CYSTM1: variants seen among roughly 807,000 people sequenced by gnomAD.
CYSTM1 encodes the protein cysteine rich transmembrane module containing 1.
CYSTM1 carries 4 observed loss-of-function variants against 13.1 expected under a neutral mutation model. The observed-to-expected ratio is 0.31, with a 90% confidence interval of 0.15 to 0.70. The LOEUF is 0.70. Among genes scored for constraint, CYSTM1 ranks in the 30% least tolerant of loss-of-function variants. CYSTM1 has a pLI of 0.72. For missense variants in CYSTM1, 96 were observed against 121.6 expected (o/e 0.79, Z 0.99); for synonymous variants, 36 against 42.7 (o/e 0.84, Z 0.62).
At chr5:140,185,604 C>T (rs968758214) in intron 1 of CYSTM1, among the ~76,000 whole-genome samples, 2 of 152,196 alleles carry the variant, frequency 1.3e-5, no homozygotes, top group East Asian at 1.9e-4. Flanking sequence ...CTGAGCAAGT[C>T]GTAAAAAGAA....
chr5:140,234,958 C>A (rs1289175455), intron 2 of CYSTM1, among the ~76,000 whole-genome samples: 8 of 137,420 alleles, frequency 5.8e-5, no homozygotes, highest in Non-Finnish European at 9.2e-5. Context: ...GGTATATCAG[C>A]CTCATTCATA....
intron 2 of CYSTM1, among the ~76,000 whole-genome samples, chr5:140,197,019 G>T (rs748853674): frequency 4.6e-5 from 7 of 152,332 alleles, no homozygotes; most frequent in Non-Finnish European, 1.0e-4. Flanking sequence ...AGCAGAGAAA[G>T]ATAGCCCAGC....
At chr5:140,186,976 A>G (rs10039898) in intron 1 of CYSTM1, among the ~76,000 whole-genome samples, 4,233 of 152,054 alleles carry the variant, frequency 0.028, 200 homozygotes, top group African/African-American at 0.097. Flanking sequence ...AAATACAAAA[A>G]TTAGCCAGCC....
At chr5:140,211,451 G>C (rs1764366945) in intron 2 of CYSTM1, among the ~76,000 whole-genome samples, 1 of 152,218 alleles carries the variant, frequency 6.6e-6, no homozygotes, top group Non-Finnish European at 1.5e-5. Flanking sequence ...GCTCTTCAGG[G>C]TAGTGGTATC....
chr5:140,215,457 C>G, intron 2 of CYSTM1, among the ~76,000 whole-genome samples: 1 of 150,626 alleles, frequency 6.6e-6, no homozygotes, highest in Non-Finnish European at 1.5e-5. Flanking sequence ...TAGTTCAGCC[C>G]TGATAATAGG....
At chr5:140,206,892 C>G (rs982535379) in intron 2 of CYSTM1, among the ~76,000 whole-genome samples, 1 of 152,108 alleles carries the variant, frequency 6.6e-6, no homozygotes, top group Admixed American at 6.6e-5. Flanking sequence ...GCCTCAGACT[C>G]CCCAAAGTGC....
chr5:140,192,767 A>C (rs1764108153), intron 1 of CYSTM1, among the ~76,000 whole-genome samples: 1 of 152,170 alleles, frequency 6.6e-6, no homozygotes, highest in African/African-American at 2.4e-5. Context: ...TAAAGTCCTG[A>C]ATTCCTTGAA....
intron 2 of CYSTM1, chr5:140,200,488 C>A (rs952257117): frequency 4.0e-5 from 6 of 150,166 alleles, no homozygotes; most frequent in Admixed American, 2.6e-4. Context: ...ATATACAGAA[C>A]ACTTTCATCA....
intron 2 of CYSTM1, among the ~76,000 whole-genome samples, chr5:140,195,943 G>A (rs1348704795): frequency 6.6e-6 from 1 of 151,596 alleles, no homozygotes; most frequent in Non-Finnish European, 1.5e-5. Context: ...TACTCAGGAG[G>A]CTGAGGCAGG....
chr5:140,204,721 GT>G (rs1228801025), intron 2 of CYSTM1, among the ~76,000 whole-genome samples: 2 of 152,016 alleles, frequency 1.3e-5, no homozygotes, highest in Non-Finnish European at 2.9e-5. Context: ...TCTCAAAGAC[GT>G]TTTTTTCTTC....
intron 2 of CYSTM1, among the ~76,000 whole-genome samples, chr5:140,240,305 CATCTT>C (rs1764732637): frequency 6.6e-6 from 1 of 151,906 alleles, no homozygotes; most frequent in Non-Finnish European, 1.5e-5. Flanking sequence ...AACAGTTTAA[CATCTT>C]ATGTAACCAT....
chr5:140,228,712 C>G, intron 2 of CYSTM1: 1 of 399,140 alleles, frequency 2.5e-6, no homozygotes, highest in Non-Finnish European at 4.4e-6. Context: ...TCTGCCCGCC[C>G]TGCACCCCCT....
chr5:140,237,425 G>A (rs1201501494), intron 2 of CYSTM1, among the ~76,000 whole-genome samples: 1 of 152,250 alleles, frequency 6.6e-6, no homozygotes, highest in Non-Finnish European at 1.5e-5. Flanking sequence ...GCAGGAGGGT[G>A]TGGTGACAGG....
At chr5:140,228,464 C>G (rs1764585621) in intron 2 of CYSTM1, among the ~76,000 whole-genome samples, 1 of 152,176 alleles carries the variant, frequency 6.6e-6, no homozygotes, top group African/African-American at 2.4e-5. Flanking sequence ...AAATAAAGTA[C>G]TGGGTTGGGT....
At chr5:140,194,732 A>C in intron 2 of CYSTM1, 80 bp downstream of exon 2, 2 of 1,491,878 alleles carry the variant, frequency 1.3e-6, no homozygotes, top group African/African-American at 1.4e-5. Flanking sequence ...GCAGAGAAGA[A>C]ATTCTTTCCA....
intron 1 of CYSTM1, among the ~76,000 whole-genome samples, chr5:140,179,831 T>C (rs1002583760): frequency 1.3e-4 from 19 of 151,790 alleles, no homozygotes; most frequent in Admixed American, 9.8e-4. Context: ...TGGCTAATTT[T>C]TTGTATTTTT....
At chr5:140,211,136 A>C (rs1764361717) in intron 2 of CYSTM1, among the ~76,000 whole-genome samples, 1 of 152,216 alleles carries the variant, frequency 6.6e-6, no homozygotes, top group Non-Finnish European at 1.5e-5. Flanking sequence ...CAAATAATAG[A>C]ACCAGTATTT....
intron 2 of CYSTM1, among the ~76,000 whole-genome samples, chr5:140,209,324 T>G (rs554020411): frequency 2.0e-5 from 3 of 150,688 alleles, no homozygotes; most frequent in Admixed American, 2.0e-4. Context: ...TGGAGTGCAA[T>G]GGTGTGATCT....
At chr5:140,228,149 A>G (rs1764581493) in intron 2 of CYSTM1, among the ~76,000 whole-genome samples, 1 of 152,200 alleles carries the variant, frequency 6.6e-6, no homozygotes, top group African/African-American at 2.4e-5. Flanking sequence ...CATACTTTAC[A>G]TAGATCCCTG....
Sources: gnomAD v4.1 joint callset for allele counts (sites outside exome capture counted in the v4.1 genomes callset) on GRCh38, gnomAD v4.1.1 for gene constraint, MANE v1.5 for transcripts, NCBI Gene and HGNC (gene_info 2026-07-23, HGNC 2026-07-21) for gene names.